NEMP2: variants seen among roughly 807,000 people sequenced by gnomAD.
NEMP2 encodes the protein UPF0571 transmembrane protein.
In NEMP2, 53 loss-of-function variants were observed where a neutral mutation model predicts 54.2. That is an observed-to-expected ratio of 0.98 (90% CI 0.78 to 1.23). The LOEUF is 1.23. Among genes scored for constraint, NEMP2 ranks in the 50% most tolerant of loss-of-function variants. NEMP2 has a pLI of 0.00. For synonymous variants in NEMP2, 197 were observed against 190.3 expected, an observed-to-expected ratio of 1.04 and a Z score of -0.29; for missense variants, 455 against 511.3, an observed-to-expected ratio of 0.89 and a Z score of 1.06.
At chr2:190,630,456 TCTGC>T in the NEMP2 span, among the ~76,000 whole-genome samples, 1 of 152,188 alleles carries the variant, frequency 6.6e-6, no homozygotes. This position sits in a 1 kb window ranked among gnomAD's most constrained non-coding sequence, Gnocchi z 5.5. Context: ...GACCTTGTGA[TCTGC>T]CCACCTCAGC....
rs573000406 is a variant in NEMP2 at position 190,514,833 on chromosome 2, G to A, written c.728-155C>T. Among the ~76,000 whole-genome samples, 7 of 152,054 alleles carry A rather than the reference G, an allele frequency of 4.6e-5. No individual in the cohort carries two copies. The highest frequency in any genetic ancestry group is 1.3e-4 in the Admixed American group (2 of 15,268). On this transcript the variant is annotated intron_variant, in intron 6 of 8. Coordinates refer to ENST00000409150, the MANE Select transcript of NEMP2 (RefSeq NM_001142645.2). This position sits in a 1 kb window ranked among gnomAD's most constrained non-coding sequence, Gnocchi z 5.7. ...AGTAAGGTTGAAAAATGCACATAGG[G>A]TGTTATTCCTTCCATATGAGATACT...
chr2:190,603,228 T>A, the NEMP2 span, among the ~76,000 whole-genome samples: 1 of 152,066 alleles, frequency 6.6e-6, no homozygotes, highest in Non-Finnish European at 1.5e-5. Context: ...AGCAATGAAT[T>A]TTTTCCTGTG....
chr2:190,513,737 C>T lies in NEMP2; in HGVS notation c.953+716G>A, dbSNP rs1690453075. On this transcript the variant is annotated intron_variant, in intron 7 of 8. Transcript: ENST00000409150. The surrounding 1 kb of genome is among the most constrained non-coding windows in gnomAD (Gnocchi z 5.3). Reference sequence around the variant, plus strand: ...TTTTTATTCATTCTTTAAGATTCAGCGTAGTAATATCTCTCCAGGAAAGCT... The same window carrying T: ...TTTTTATTCATTCTTTAAGATTCAGTGTAGTAATATCTCTCCAGGAAAGCT... Among the ~76,000 whole-genome samples the T allele has an allele frequency of 6.6e-6, 1 of 152,166 alleles. No homozygotes were observed. Among genetic ancestry groups the T allele is most frequent in the Non-Finnish European group, 1.5e-5 (1 of 68,030 alleles).
the NEMP2 span, among the ~76,000 whole-genome samples, chr2:190,479,910 G>A: frequency 7.7e-3 from 1,174 of 152,204 alleles, 51 homozygotes; most frequent in East Asian, 0.014. Flanking sequence ...TTTATAAAGC[G>A]TTATTCTGTT....
the NEMP2 span, among the ~76,000 whole-genome samples, chr2:190,462,930 G>A: frequency 2.6e-5 from 4 of 152,136 alleles, no homozygotes; most frequent in Non-Finnish European, 4.4e-5. The surrounding 1 kb of genome is among the most constrained non-coding windows in gnomAD (Gnocchi z 5.7). Flanking sequence ...ACTAGAGGAG[G>A]GTACCATGAT....
the NEMP2 span, among the ~76,000 whole-genome samples, chr2:190,602,123 G>A: frequency 6.6e-6 from 1 of 152,150 alleles, no homozygotes. Flanking sequence ...AGACAGTGAG[G>A]GAAGGAGAGA....
At chr2:190,434,576 C>T in the NEMP2 span, among the ~76,000 whole-genome samples, 197 of 152,288 alleles carry the variant, frequency 1.3e-3, no homozygotes, top group Middle Eastern at 3.4e-3. This position sits in a 1 kb window ranked among gnomAD's most constrained non-coding sequence, Gnocchi z 4.3. Flanking sequence ...GCTGGGACTA[C>T]ATGCGTGCCA....
the NEMP2 span, among the ~76,000 whole-genome samples, chr2:190,430,092 T>C: frequency 6.6e-6 from 1 of 151,034 alleles, no homozygotes; most frequent in African/African-American, 2.4e-5. Flanking sequence ...TGAGAACATG[T>C]GGTGTTTGGT....
chr2:190,437,960 T>G, the NEMP2 span, among the ~76,000 whole-genome samples: 1 of 152,158 alleles, frequency 6.6e-6, no homozygotes, highest in African/African-American at 2.4e-5. The surrounding 1 kb of genome is among the most constrained non-coding windows in gnomAD (Gnocchi z 5.9). Flanking sequence ...GTGGACTTTT[T>G]TAAGCCTTTA....
At chr2:190,448,767 A>G in the NEMP2 span, among the ~76,000 whole-genome samples, 1 of 152,318 alleles carries the variant, frequency 6.6e-6, no homozygotes, top group Admixed American at 6.5e-5. Context: ...CCTCTACATT[A>G]TCTGTAATAT....
chr2:190,525,764 T>C lies in NEMP2; in HGVS notation c.98-386A>G, dbSNP rs984005979. ...TGGGGGTGGGCAGAACCAGCAAGTA[T>C]GTACAGAATCATGAAAATGAGATAA... On this transcript the variant is annotated intron_variant, in intron 1 of 8. Coordinates refer to ENST00000409150, the MANE Select transcript of NEMP2 (RefSeq NM_001142645.2). This position sits in a 1 kb window ranked among gnomAD's most constrained non-coding sequence, Gnocchi z 5.0. Among the ~76,000 whole-genome samples the C allele has an allele frequency of 6.6e-6, 1 of 152,092 alleles. No homozygotes were observed. The highest frequency in any genetic ancestry group is 2.4e-5 in the African/African-American group (1 of 41,406).
chr2:190,476,657 G>T, the NEMP2 span, among the ~76,000 whole-genome samples: 1 of 152,110 alleles, frequency 6.6e-6, no homozygotes, highest in Non-Finnish European at 1.5e-5. Flanking sequence ...GATTCCTCAG[G>T]GATCTAGAAC....
At chr2:190,499,341 G>C (rs1332566607), downstream of NEMP2, among the ~76,000 whole-genome samples, 1 of 152,038 alleles carries the variant, frequency 6.6e-6, no homozygotes, top group Non-Finnish European at 1.5e-5. This position sits in a 1 kb window ranked among gnomAD's most constrained non-coding sequence, Gnocchi z 6.0. Flanking sequence ...CTAATTTGGG[G>C]GAGAATCCAT....
the NEMP2 span, among the ~76,000 whole-genome samples, chr2:190,422,168 T>A: frequency 6.6e-6 from 1 of 152,262 alleles, no homozygotes; most frequent in South Asian, 2.1e-4. Context: ...ATTTATCAGT[T>A]ATTCATCCTT....
At chr2:190,593,466 G>A in the NEMP2 span, among the ~76,000 whole-genome samples, 1 of 152,180 alleles carries the variant, frequency 6.6e-6, no homozygotes, top group Non-Finnish European at 1.5e-5. This position sits in a 1 kb window ranked among gnomAD's most constrained non-coding sequence, Gnocchi z 4.5. Flanking sequence ...TGCCATGTCT[G>A]AGTTCCAGCC....
the NEMP2 span, among the ~76,000 whole-genome samples, chr2:190,588,642 T>G: frequency 6.6e-6 from 1 of 152,168 alleles, no homozygotes; most frequent in African/African-American, 2.4e-5. The surrounding 1 kb of genome is among the most constrained non-coding windows in gnomAD (Gnocchi z 5.0). Flanking sequence ...CAATTCAATG[T>G]GCTGTTACTG....
chr2:190,497,417 T>G, the NEMP2 span: 1 of 1,604,464 alleles, frequency 6.2e-7, no homozygotes. The surrounding 1 kb of genome is among the most constrained non-coding windows in gnomAD (Gnocchi z 5.2). Flanking sequence ...AAAAAATAGT[T>G]TAAACATTCT....
the NEMP2 span, among the ~76,000 whole-genome samples, chr2:190,441,808 A>C: frequency 6.6e-6 from 1 of 151,828 alleles, no homozygotes; most frequent in Admixed American, 6.6e-5. Flanking sequence ...CTCCAACAAC[A>C]TTCTCTCCTC....
At chr2:190,616,535 A>G in the NEMP2 span, among the ~76,000 whole-genome samples, 1 of 152,326 alleles carries the variant, frequency 6.6e-6, no homozygotes, top group East Asian at 1.9e-4. This position sits in a 1 kb window ranked among gnomAD's most constrained non-coding sequence, Gnocchi z 5.1. Context: ...TGACATAACA[A>G]ATAATAAGCT....
Sources: allele counts gnomAD v4.1 joint callset (sites outside exome capture counted in the v4.1 genomes callset), GRCh38; gene constraint gnomAD v4.1.1; non-coding constraint Gnocchi (gnomAD v3.1); transcripts MANE v1.5; gene names NCBI Gene and HGNC (gene_info 2026-07-23, HGNC 2026-07-21).